The following HCN1 variants were observed in gnomAD, a reference collection of about 807,000 sequenced individuals.
HCN1 encodes the protein hyperpolarization activated cyclic nucleotide gated potassium channel 1.
A neutral mutation model predicts 78.9 loss-of-function variants in HCN1; 13 were observed. The ratio of observed to expected loss-of-function variants is 0.16; its 90% CI spans 0.11 to 0.26. The LOEUF (loss-of-function observed/expected upper bound fraction) is 0.26, where lower values mean the gene tolerates loss of function less well. Among genes scored for constraint, HCN1 ranks in the 10% least tolerant of loss-of-function variants. The pLI is 1.00. For synonymous variants in HCN1, 552 were observed against 455.5 expected, an observed-to-expected ratio of 1.21 and a Z score of -2.70; for missense variants, 810 against 1,154.3, an observed-to-expected ratio of 0.70 and a Z score of 4.32.
At chr5:45,388,550 C>T (rs1357865742) in intron 4 of HCN1, among the ~76,000 whole-genome samples, 1 of 152,102 alleles carries the variant, frequency 6.6e-6, no homozygotes, top group Non-Finnish European at 1.5e-5. Context: ...TCTCAAGCCC[C>T]ACTGCAAATT....
intron 5 of HCN1, among the ~76,000 whole-genome samples, chr5:45,348,102 G>T (rs529759966): frequency 1.5e-3 from 234 of 152,210 alleles, no homozygotes; most frequent in African/African-American, 5.3e-3. Context: ...AAAATGTTCA[G>T]GGCAGCCAGA....
At position 45,567,738 on chromosome 5, in the gene HCN1, G is replaced by T. The variant is rs149817820; in HGVS notation, c.849+77447C>A. Among the ~76,000 whole-genome samples the T allele has an allele frequency of 2.1e-3, 317 of 152,062 alleles. 2 individuals carry two copies. Among genetic ancestry groups the T allele is most frequent in the African/African-American group, 6.9e-3 (285 of 41,504 alleles). ...CACAGTGCTTGCCAACTAAATGAGG[G>T]TAAAATTAAGTTCTAACTCTGACCC... On this transcript the variant is annotated intron_variant, in intron 2 of 7. Coordinates refer to ENST00000303230, the MANE Select transcript of HCN1 (RefSeq NM_021072.4).
intron 2 of HCN1, among the ~76,000 whole-genome samples, chr5:45,474,397 T>TA (rs1383125797): frequency 2.6e-5 from 4 of 151,900 alleles, no homozygotes; most frequent in African/African-American, 9.7e-5. Context: ...TCTCTCTCTG[T>TA]AAAAATTTTT....
rs1561131689 is a variant in HCN1 at position 45,375,741 on chromosome 5, CTTATATATAATATCATATTTTATGATAT to C, written c.1230+20723_1230+20750del. Among the ~76,000 whole-genome samples the C allele has an allele frequency of 3.7e-4, 30 of 81,654 alleles. 1 individual carries two copies. The highest frequency in any genetic ancestry group is 1.7e-3 in the African/African-American group (30 of 17,256). 53.6% of individuals were successfully genotyped at this position (81,654 alleles called of 152,430 possible). A position where few individuals can be genotyped will look rare whatever the true frequency, so the allele number is the denominator to read the frequency against. On this transcript the variant is annotated intron_variant, in intron 4 of 7. Transcript: ENST00000303230. ...TATAATATCATATTTTATGATATAT[CTTATATATAATATCATATTTTATGATAT>C]ATCTTATATATAATATAATATTTTA... is the stretch of plus-strand genomic sequence containing the variant.
chr5:45,627,749 G>A (rs1263897959), intron 2 of HCN1, among the ~76,000 whole-genome samples: 5 of 152,086 alleles, frequency 3.3e-5, no homozygotes, highest in African/African-American at 1.2e-4. Flanking sequence ...TTTTATCTGT[G>A]AATACTATGT....
At chr5:45,467,387 C>A (rs1289980563) in intron 2 of HCN1, among the ~76,000 whole-genome samples, 1 of 152,092 alleles carries the variant, frequency 6.6e-6, no homozygotes. Flanking sequence ...TATTTGCCTA[C>A]ACTACCCATA....
intron 5 of HCN1, among the ~76,000 whole-genome samples, chr5:45,346,605 C>T (rs1234020346): frequency 1.3e-5 from 2 of 152,176 alleles, no homozygotes; most frequent in African/African-American, 4.8e-5. Flanking sequence ...AGTTCCCTTT[C>T]CTAGTCAAAG....
At chr5:45,663,995 A>G (rs1333219970) in intron 1 of HCN1, among the ~76,000 whole-genome samples, 1 of 144,014 alleles carries the variant, frequency 6.9e-6, no homozygotes, top group Non-Finnish European at 1.5e-5. Context: ...GCTGCTATAA[A>G]GACACATGCA....
At chr5:45,454,780 G>T (rs1388849849) in intron 3 of HCN1, among the ~76,000 whole-genome samples, 3 of 152,042 alleles carry the variant, frequency 2.0e-5, no homozygotes, top group African/African-American at 7.2e-5. Context: ...ATATTTGATA[G>T]AATGGCAATA....
At chr5:45,543,303 A>G (rs555934940) in intron 2 of HCN1, among the ~76,000 whole-genome samples, 4 of 152,190 alleles carry the variant, frequency 2.6e-5, no homozygotes, top group African/African-American at 9.6e-5. Flanking sequence ...ATAACATAGA[A>G]GGAGATAAAA....
chr5:45,453,716 C>T (rs1397064152), intron 3 of HCN1, among the ~76,000 whole-genome samples: 1 of 152,074 alleles, frequency 6.6e-6, no homozygotes, highest in Non-Finnish European at 1.5e-5. Flanking sequence ...CTGTTTCAGA[C>T]TCTTTATCTT....
At position 45,363,531 on chromosome 5, in the gene HCN1, A is replaced by G. The variant is rs147380168; in HGVS notation, c.1231-10285T>C. ...GACTAAGCCCCAATTGTCTATAACT[A>G]AAAAAAACCTCAATAATATACCCTT... On this transcript the variant is annotated intron_variant, in intron 4 of 7. Coordinates refer to ENST00000303230, the MANE Select transcript of HCN1 (RefSeq NM_021072.4). Among the ~76,000 whole-genome samples, 58 of 151,818 alleles carry G rather than the reference A, an allele frequency of 3.8e-4. 1 individual carries two copies. The East Asian group carries it at 7.0e-3, about 18-fold the overall frequency.
At chr5:45,359,327 T>G (rs972719261) in intron 4 of HCN1, among the ~76,000 whole-genome samples, 6 of 151,594 alleles carry the variant, frequency 4.0e-5, no homozygotes, top group African/African-American at 1.5e-4. Flanking sequence ...GAACTTTAAG[T>G]TCATGATTCT....
intron 6 of HCN1, among the ~76,000 whole-genome samples, chr5:45,276,960 A>C (rs897299248): frequency 6.6e-6 from 1 of 152,074 alleles, no homozygotes; most frequent in Non-Finnish European, 1.5e-5. Flanking sequence ...TTTGGAAGCT[A>C]ATTTTTATGA....
rs80222056 is a variant in HCN1 at position 45,311,545 on chromosome 5, T to G, written c.1378-7706A>C. On this transcript the variant is annotated intron_variant, in intron 5 of 7. Coordinates refer to ENST00000303230, the MANE Select transcript of HCN1 (RefSeq NM_021072.4). ...CATAAACACCCATGCAGAAATGACA[T>G]AATTTTTAAGTTAAATGATATTAAG... is the stretch of plus-strand genomic sequence containing the variant. 1.6e-4 allele frequency among the ~76,000 whole-genome samples: 25 copies of G among 152,324 alleles called. No homozygotes were observed. The East Asian group carries it at 3.7e-3, about 22-fold the overall frequency.
At chr5:45,306,379 T>C (rs543168418) in intron 5 of HCN1, among the ~76,000 whole-genome samples, 17 of 152,232 alleles carry the variant, frequency 1.1e-4, no homozygotes, top group South Asian at 4.1e-4. Context: ...TAATGATACA[T>C]TGCATATCCA....
intron 2 of HCN1, among the ~76,000 whole-genome samples, chr5:45,465,393 G>C (rs951870184): frequency 6.6e-6 from 1 of 152,036 alleles, no homozygotes; most frequent in Admixed American, 6.6e-5. Flanking sequence ...TCTCTTCCCC[G>C]ACTAGCAATA....
intron 2 of HCN1, among the ~76,000 whole-genome samples, chr5:45,625,977 C>A (rs544240204): frequency 6.6e-6 from 1 of 152,168 alleles, no homozygotes; most frequent in Non-Finnish European, 1.5e-5. Flanking sequence ...CACAACAATT[C>A]TTTTATGTGC....
chr5:45,635,446 G>C (rs1346107377), intron 2 of HCN1, among the ~76,000 whole-genome samples: 1 of 152,054 alleles, frequency 6.6e-6, no homozygotes, highest in Non-Finnish European at 1.5e-5. Flanking sequence ...TCCTGACTTA[G>C]ATAGGATTGT....
Sources: gnomAD v4.1 joint callset for allele counts (sites outside exome capture counted in the v4.1 genomes callset) on GRCh38, gnomAD v4.1.1 for gene constraint, MANE v1.5 for transcripts, NCBI Gene and HGNC (gene_info 2026-07-23, HGNC 2026-07-21) for gene names.